TTLL11: variants seen among roughly 807,000 people sequenced by gnomAD.
The protein encoded by TTLL11 is tubulin polyglutamylase TTLL11.
In TTLL11, 42 loss-of-function variants were observed where a neutral mutation model predicts 51.7. The observed-to-expected ratio is 0.81, with a 90% CI of 0.64 to 1.05. TTLL11 has a LOEUF of 1.05. Ranked by LOEUF, TTLL11 falls within the 50% of genes least tolerant of loss-of-function variation. TTLL11 has a pLI of 0.00. For missense variants in TTLL11, 799 were observed against 940.4 expected (o/e 0.85, Z 1.97); for synonymous variants, 381 against 383.5 (o/e 0.99, Z 0.08).
intron 6 of TTLL11, among the ~76,000 whole-genome samples, chr9:121,896,242 A>G (rs979572010): frequency 3.9e-5 from 6 of 152,010 alleles, no homozygotes; most frequent in African/African-American, 1.5e-4. Context: ...GGTCCAGCGC[A>G]GCAGATTAAT....
At chr9:122,019,991 C>T (rs1013323898) in intron 3 of TTLL11, among the ~76,000 whole-genome samples, 3 of 152,188 alleles carry the variant, frequency 2.0e-5, no homozygotes, top group African/African-American at 7.2e-5. Context: ...GATTGTGAGG[C>T]ATCCCCAGCC....
rs1836429349 is a variant in TTLL11 at position 121,816,924 on chromosome 9, C to A, written c.*5663G>T. The A allele has an allele frequency of 6.6e-6, 1 of 152,162 alleles. No individual in the cohort carries two copies. Among genetic ancestry groups the A allele is most frequent in the Non-Finnish European group, 1.5e-5 (1 of 68,038 alleles). The allele number at this position is 152,162 out of a possible 1,614,324, so 9.4% of individuals were successfully genotyped here. A position where few individuals can be genotyped will look rare whatever the true frequency, so the allele number is the denominator to read the frequency against. ...GAAAATTTCTCTCACATTCATCAAA[C>A]CAAATGGGAGATTGGCAAAAATATC... On this transcript the variant is annotated 3_prime_UTR_variant, in exon 9 of 9. Coordinates refer to ENST00000321582, the MANE Select transcript of TTLL11 (RefSeq NM_001139442.2).
At chr9:122,027,583 G>A (rs571619235) in intron 3 of TTLL11, among the ~76,000 whole-genome samples, 3 of 152,306 alleles carry the variant, frequency 2.0e-5, no homozygotes, top group South Asian at 4.1e-4. Flanking sequence ...TAACATTAGA[G>A]GAAGTTAGAT....
intron 6 of TTLL11, among the ~76,000 whole-genome samples, chr9:121,952,920 C>T (rs1449697613): frequency 4.6e-5 from 7 of 152,148 alleles, no homozygotes; most frequent in African/African-American, 1.7e-4. Flanking sequence ...CCCTTATCCT[C>T]TTTATTTCTT....
chr9:121,925,261 G>A (rs2131534742), intron 6 of TTLL11, among the ~76,000 whole-genome samples: 1 of 152,352 alleles, frequency 6.6e-6, no homozygotes, highest in East Asian at 1.9e-4. Context: ...TAAGAACCCA[G>A]AGAAAGTGAC....
chr9:121,985,673 C>T (rs981658849), intron 4 of TTLL11, among the ~76,000 whole-genome samples: 5 of 151,982 alleles, frequency 3.3e-5, no homozygotes, highest in Non-Finnish European at 5.9e-5. Flanking sequence ...CCTGCCTCAA[C>T]ACCCGGCTAA....
chr9:121,841,970 A>T (rs1837365015), intron 8 of TTLL11, among the ~76,000 whole-genome samples: 1 of 152,090 alleles, frequency 6.6e-6, no homozygotes, highest in Admixed American at 6.6e-5. Flanking sequence ...GAAGTGTCCC[A>T]ATTCTTCCAG....
At chr9:121,922,310 G>A (rs1446629476) in intron 6 of TTLL11, among the ~76,000 whole-genome samples, 2 of 152,144 alleles carry the variant, frequency 1.3e-5, no homozygotes, top group East Asian at 3.8e-4. Context: ...CTTTCTGTGT[G>A]TGCATCTATA....
intron 6 of TTLL11, among the ~76,000 whole-genome samples, chr9:121,883,762 G>A (rs1838888426): frequency 6.6e-6 from 1 of 152,184 alleles, no homozygotes; most frequent in Non-Finnish European, 1.5e-5. Context: ...TAGTTATCAA[G>A]GTACATTTTT....
chr9:122,057,322 CTTTTTT>C (rs58226814), intron 1 of TTLL11, among the ~76,000 whole-genome samples: 4 of 128,158 alleles, frequency 3.1e-5, no homozygotes, highest in East Asian at 4.3e-4. Flanking sequence ...AGCTCAAATC[CTTTTTT>C]TTTTTTTTTT....
chr9:121,985,159 T>C (rs950233791), intron 4 of TTLL11, among the ~76,000 whole-genome samples: 4 of 152,242 alleles, frequency 2.6e-5, no homozygotes, highest in African/African-American at 9.6e-5. Context: ...GTTTATGTTC[T>C]GGAATGCTGC....
intron 6 of TTLL11, among the ~76,000 whole-genome samples, chr9:121,945,657 C>T (rs552106243): frequency 1.3e-5 from 2 of 152,284 alleles, no homozygotes; most frequent in South Asian, 2.1e-4. Context: ...CCATCTATAC[C>T]GAACTACTTA....
chr9:122,022,555 A>G (rs975769209), intron 3 of TTLL11, among the ~76,000 whole-genome samples: 3 of 151,972 alleles, frequency 2.0e-5, no homozygotes, highest in African/African-American at 7.2e-5. Flanking sequence ...ATCCAAAACC[A>G]AAGGCAAAAT....
At position 121,858,342 on chromosome 9, in the gene TTLL11, G is replaced by A. The variant is rs151238170; in HGVS notation, c.1840+1995C>T. Among the ~76,000 whole-genome samples the A allele has an allele frequency of 1.3e-3, 194 of 152,244 alleles. 2 individuals carry two copies. Among genetic ancestry groups the A allele is most frequent in the African/African-American group, 4.6e-3 (190 of 41,536 alleles). ...AACCTGGAACGGGCTCGGGTGGATTGGTGTTTGAACCTTATCCACCAGCCA... is the reference window on the plus strand; with the variant it reads ...AACCTGGAACGGGCTCGGGTGGATTAGTGTTTGAACCTTATCCACCAGCCA... On this transcript the variant is annotated intron_variant, in intron 8 of 8. Transcript: ENST00000321582.
chr9:121,881,556 C>T (rs922343042), intron 6 of TTLL11, among the ~76,000 whole-genome samples: 1 of 152,198 alleles, frequency 6.6e-6, no homozygotes, highest in African/African-American at 2.4e-5. Context: ...CACTTACCTG[C>T]GCTGGCACAT....
At chr9:122,032,578 G>A (rs1439104660) in intron 2 of TTLL11, among the ~76,000 whole-genome samples, 1 of 151,134 alleles carries the variant, frequency 6.6e-6, no homozygotes, top group Non-Finnish European at 1.5e-5. Context: ...AACCTGGGAG[G>A]CGGAGCTTGC....
chr9:121,895,518 TGA>T (rs1839439810), intron 6 of TTLL11, among the ~76,000 whole-genome samples: 1 of 151,500 alleles, frequency 6.6e-6, no homozygotes, highest in East Asian at 1.9e-4. Context: ...TGTGTTTGTA[TGA>T]CTGTGACTGT....
At position 121,855,846 on chromosome 9, in the gene TTLL11, T is replaced by C. The variant is rs1403473857; in HGVS notation, c.1840+4491A>G. 2.0e-5 allele frequency among the ~76,000 whole-genome samples: 3 copies of C among 152,340 alleles called. No homozygotes were observed. In the East Asian group the frequency reaches 5.8e-4, roughly 29 times the overall value. The stretch of plus-strand genomic sequence containing the variant: ...GCCCTCAAGGATACAGAATGCACAG[T>C]GGGTGGCTTTTCTGGGTCACAGCAT... On this transcript the variant is annotated intron_variant, in intron 8 of 8. Transcript: ENST00000321582.
intron 6 of TTLL11, among the ~76,000 whole-genome samples, chr9:121,884,443 A>G (rs4578014): frequency 0.8 from 121,316 of 152,096 alleles, 48,687 homozygotes; most frequent in East Asian, 0.88. Flanking sequence ...TCATGGCAAC[A>G]TCCACTGACC....
Sources: gnomAD v4.1 joint callset for allele counts (sites outside exome capture counted in the v4.1 genomes callset) on GRCh38, gnomAD v4.1.1 for gene constraint, MANE v1.5 for transcripts, NCBI Gene and HGNC (gene_info 2026-07-23, HGNC 2026-07-21) for gene names.